The following SPMAP2 variants were observed in gnomAD, a reference collection of about 807,000 sequenced individuals.
SPMAP2 encodes sperm microtubule associated protein 2.
chr19:365,140 C>T, the SPMAP2 span, among the ~76,000 whole-genome samples: 246 of 152,342 alleles, frequency 1.6e-3, 2 homozygotes, highest in Admixed American at 4.3e-3. Flanking sequence ...CCATCCTGCA[C>T]GCACCCGCGC....
chr19:365,861 C>G, the SPMAP2 span, among the ~76,000 whole-genome samples: 61,941 of 152,000 alleles, frequency 0.41, 12,999 homozygotes, highest in Middle Eastern at 0.47. Flanking sequence ...ATGCTGCTTC[C>G]TGGCCAGGAG....
At chr19:366,251 ATATT>A in the SPMAP2 span, among the ~76,000 whole-genome samples, 1 of 152,098 alleles carries the variant, frequency 6.6e-6, no homozygotes, top group Non-Finnish European at 1.5e-5. Context: ...ACACGGATAT[ATATT>A]TATATGTACA....
chr19:375,913 T>A, the SPMAP2 span: 24 of 1,496,282 alleles, frequency 1.6e-5, no homozygotes, highest in Middle Eastern at 5.4e-4. Context: ...CTTTCCGACC[T>A]GCCCGCAGCC....
chr19:364,113 C>T, the SPMAP2 span, among the ~76,000 whole-genome samples: 1 of 150,952 alleles, frequency 6.6e-6, no homozygotes, highest in Admixed American at 6.6e-5. Flanking sequence ...GCGGGCGGAT[C>T]ACAAGGTCAG....
chr19:373,177 A>C, the SPMAP2 span, among the ~76,000 whole-genome samples: 1 of 152,218 alleles, frequency 6.6e-6, no homozygotes, highest in South Asian at 2.1e-4. Flanking sequence ...ATGATACCTC[A>C]ATACCAAATT....
At chr19:372,577 G>A in the SPMAP2 span, 1 of 1,561,518 alleles carries the variant, frequency 6.4e-7, no homozygotes, top group South Asian at 1.1e-5. Context: ...CGAGAATAAG[G>A]CATTTCTGCC....
At chr19:371,404 G>GTCTGTCTGTCTTTCCCAGCTCCTCCA in the SPMAP2 span, 4 of 569,676 alleles carry the variant, frequency 7.0e-6, no homozygotes, top group African/African-American at 7.9e-5. Flanking sequence ...GTGTGTGTGT[G>GTCTGTCTGTCTTTCCCAGCTCCTCCA]TATGTGTCTG....
At chr19:365,002 T>C in the SPMAP2 span, among the ~76,000 whole-genome samples, 2 of 152,236 alleles carry the variant, frequency 1.3e-5, no homozygotes, top group African/African-American at 4.8e-5. Context: ...AGACCAGCCC[T>C]GGCTCTGTGA....
chr19:375,706 T>C, the SPMAP2 span: 2 of 1,604,808 alleles, frequency 1.2e-6, no homozygotes, highest in Middle Eastern at 1.7e-4. Context: ...TCCAGGACTC[T>C]CTCCAACTCA....
At chr19:366,966 G>T in the SPMAP2 span, 2 of 1,315,412 alleles carry the variant, frequency 1.5e-6, no homozygotes, top group Non-Finnish European at 1.0e-6. Context: ...TCTTTCATGG[G>T]GGAGAGCTTC....
At chr19:363,752 C>T in the SPMAP2 span, among the ~76,000 whole-genome samples, 2 of 151,838 alleles carry the variant, frequency 1.3e-5, no homozygotes, top group Admixed American at 1.3e-4. Context: ...CCAGGCTGGT[C>T]TCGAACTCCT....
chr19:375,551 G>A, the SPMAP2 span: 1,863 of 1,159,870 alleles, frequency 1.6e-3, 22 homozygotes, highest in African/African-American at 0.024. Flanking sequence ...GAGCCAGGCC[G>A]GTGGCCGGTT....
At chr19:373,620 C>G in the SPMAP2 span, 1 of 1,222,724 alleles carries the variant, frequency 8.2e-7, no homozygotes, top group Non-Finnish European at 1.1e-6. Context: ...GGAGGGTGGC[C>G]GAGGTGGGGT....
At chr19:374,205 G>A in the SPMAP2 span, 2 of 1,562,878 alleles carry the variant, frequency 1.3e-6, no homozygotes, top group South Asian at 1.2e-5. Flanking sequence ...CTGGGGGAGG[G>A]GAGCCGAGCA....
At chr19:375,220 G>C in the SPMAP2 span, among the ~76,000 whole-genome samples, 1 of 152,156 alleles carries the variant, frequency 6.6e-6, no homozygotes, top group Non-Finnish European at 1.5e-5. Context: ...CACCCAGAAC[G>C]TGTTCCTCCC....
chr19:374,626 G>GGAA, the SPMAP2 span: 1 of 625,974 alleles, frequency 1.6e-6, no homozygotes, highest in South Asian at 2.1e-5. Flanking sequence ...CTCGCTGGAT[G>GGAA]GAAGACCCGT....
the SPMAP2 span, among the ~76,000 whole-genome samples, chr19:371,664 C>A: frequency 6.6e-6 from 1 of 152,212 alleles, no homozygotes; most frequent in Admixed American, 6.5e-5. Flanking sequence ...TCCTCCCAGG[C>A]CTTCTCTACA....
At chr19:373,613 G>T in the SPMAP2 span, 16 of 1,411,744 alleles carry the variant, frequency 1.1e-5, 1 homozygote, top group Middle Eastern at 1.8e-4. Flanking sequence ...TCTGCCAGGA[G>T]GGTGGCCGAG....
chr19:374,654 C>A, the SPMAP2 span: 1 of 565,892 alleles, frequency 1.8e-6, no homozygotes, highest in Non-Finnish European at 3.1e-6. Flanking sequence ...ACCTGTCTCC[C>A]CTGGTCCTCA....
Sources: gnomAD v4.1 joint callset for allele counts (sites outside exome capture counted in the v4.1 genomes callset) on GRCh38, gnomAD v4.1.1 for gene constraint, MANE v1.5 for transcripts, NCBI Gene and HGNC (gene_info 2026-07-23, HGNC 2026-07-21) for gene names.